The following TEC variants were observed in gnomAD, a reference collection of about 807,000 sequenced individuals.
TEC encodes the protein tec protein tyrosine kinase.
TEC carries 72 observed loss-of-function variants against 93.0 expected under a neutral mutation model. The observed-to-expected ratio is 0.77, with a 90% confidence interval of 0.64 to 0.94. TEC has a LOEUF of 0.94. TEC is among the 40% of genes least tolerant of loss of function. TEC has a pLI of 0.00. For missense variants in TEC, 630 were observed against 757.9 expected, an observed-to-expected ratio of 0.83 and a Z score of 1.98; for synonymous variants, 249 against 247.7, an observed-to-expected ratio of 1.01 and a Z score of -0.05.
intron 9 of TEC, among the ~76,000 whole-genome samples, chr4:48,153,782 G>A (rs904137922): frequency 6.6e-6 from 1 of 152,192 alleles, no homozygotes; most frequent in Non-Finnish European, 1.5e-5. Flanking sequence ...AGAAAAAAAT[G>A]AGTGACATTA....
At chr4:48,186,190 G>A (rs1244442662) in intron 2 of TEC, among the ~76,000 whole-genome samples, 1 of 152,196 alleles carries the variant, frequency 6.6e-6, no homozygotes, top group Non-Finnish European at 1.5e-5. Flanking sequence ...GTGCAGTGGC[G>A]TGATCTCGGC....
chr4:48,268,803 C>T (rs1724706428), intron 1 of TEC, among the ~76,000 whole-genome samples: 1 of 152,206 alleles, frequency 6.6e-6, no homozygotes, highest in African/African-American at 2.4e-5. Flanking sequence ...AATCTTCAAA[C>T]CCACTTAGCC....
chr4:48,256,409 C>A (rs1724345480), intron 1 of TEC, among the ~76,000 whole-genome samples: 1 of 150,910 alleles, frequency 6.6e-6, no homozygotes, highest in South Asian at 2.1e-4. Context: ...CATGACAAAA[C>A]CCTGTCTCTA....
At position 48,211,635 on chromosome 4, in the gene TEC, T is replaced by C. The variant is rs1722902140; in HGVS notation, c.138+16842A>G. On this transcript the variant is annotated intron_variant, in intron 2 of 17. Transcript: ENST00000381501. ...GAGTCTTCAACTGTGACAGTTTCTC[T>C]GCTGTTGAGATAGACAATGAACGTG... 9.2e-5 allele frequency among the ~76,000 whole-genome samples: 14 copies of C among 152,362 alleles called. No homozygotes were observed. The South Asian group carries it at 2.9e-3, about 32-fold the overall frequency.
rs999840533 is a variant in TEC at position 48,215,919 on chromosome 4, G to C, written c.138+12558C>G. On this transcript the variant is annotated intron_variant, in intron 2 of 17. Transcript: ENST00000381501. ...AACAACCAGCTCACTAGGTGACCTG[G>C]AGCAAACCATCTCCTTATCTTCAGT... 6.6e-5 allele frequency among the ~76,000 whole-genome samples: 10 copies of C among 152,158 alleles called. 1 individual carries two copies. The highest frequency in any genetic ancestry group is 6.5e-4 in the Admixed American group (10 of 15,282).
In TEC at chr4:48,245,070, G is replaced by A. The variant is rs1724017604; in HGVS notation, c.-45-16411C>T. On this transcript the variant is annotated intron_variant, in intron 1 of 17. Coordinates refer to ENST00000381501, the MANE Select transcript of TEC (RefSeq NM_003215.3). ...AGCACTTCCGGAGGCCGAGGCGGGA[G>A]TATCACGAGGTGAGGATATTCAGAC... Among the ~76,000 whole-genome samples the A allele has an allele frequency of 2.6e-5, 4 of 152,210 alleles. No individual in the cohort carries two copies. The South Asian group carries it at 8.3e-4, about 32-fold the overall frequency.
At chr4:48,139,143 G>A (rs777865470) in intron 15 of TEC, 121 bp from the exon 16 acceptor site, 24 of 823,268 alleles carry the variant, frequency 2.9e-5, no homozygotes, top group Middle Eastern at 3.6e-4. Context: ...ACAAGCATCC[G>A]GTTGAAGCTA....
intron 2 of TEC, among the ~76,000 whole-genome samples, chr4:48,217,641 C>T (rs1296384781): frequency 2.6e-5 from 4 of 152,088 alleles, no homozygotes; most frequent in East Asian, 1.9e-4. Flanking sequence ...GCATTTCTTC[C>T]GTATTATCTC....
intron 1 of TEC, among the ~76,000 whole-genome samples, chr4:48,235,943 G>A (rs188497502): frequency 1.3e-5 from 2 of 152,100 alleles, no homozygotes; most frequent in East Asian, 3.9e-4. Context: ...CAATACAATT[G>A]CAGGGCCTAC....
At chr4:48,184,860 A>G (rs1721737997) in intron 2 of TEC, among the ~76,000 whole-genome samples, 1 of 152,116 alleles carries the variant, frequency 6.6e-6, no homozygotes, top group African/African-American at 2.4e-5. Context: ...GACAAAATTT[A>G]GAACTTGCGG....
At chr4:48,186,310 G>T (rs1407097111) in intron 2 of TEC, among the ~76,000 whole-genome samples, 1 of 152,048 alleles carries the variant, frequency 6.6e-6, no homozygotes, top group East Asian at 1.9e-4. Flanking sequence ...GTCTCTGCCT[G>T]GCCACCCATC....
intron 9 of TEC, among the ~76,000 whole-genome samples, chr4:48,151,811 A>G (rs2109518350): frequency 6.6e-6 from 1 of 152,328 alleles, no homozygotes; most frequent in South Asian, 2.1e-4. Flanking sequence ...ACAAAAGGAG[A>G]GATGGAGGCA....
chr4:48,221,441 C>T (rs1723257973), intron 2 of TEC, among the ~76,000 whole-genome samples: 1 of 152,190 alleles, frequency 6.6e-6, no homozygotes, highest in African/African-American at 2.4e-5. Context: ...TATGTGTTTG[C>T]TTCCCCTTCC....
At chr4:48,141,749 C>G in intron 14 of TEC, 1 of 214,708 alleles carries the variant, frequency 4.7e-6, no homozygotes, top group South Asian at 6.0e-5. Flanking sequence ...GTGGCACAAT[C>G]TTGGCTCACT....
intron 12 of TEC, 35 bp downstream of exon 12, chr4:48,146,290 A>G: frequency 6.3e-7 from 1 of 1,595,020 alleles, no homozygotes; most frequent in Non-Finnish European, 8.6e-7. Flanking sequence ...CTTTTCAAGG[A>G]AAATTAGCTC....
chr4:48,235,831 T>C (rs1283365930), intron 1 of TEC, among the ~76,000 whole-genome samples: 2 of 152,226 alleles, frequency 1.3e-5, no homozygotes, highest in African/African-American at 2.4e-5. Flanking sequence ...TTTCAATGTA[T>C]TGAATCACTT....
intron 2 of TEC, among the ~76,000 whole-genome samples, chr4:48,192,412 C>T (rs1313781738): frequency 6.6e-6 from 1 of 152,110 alleles, no homozygotes; most frequent in Non-Finnish European, 1.5e-5. Context: ...TGGGCATACT[C>T]AGTGTTTCAG....
At chr4:48,148,051 A>G (rs1199993834) in intron 11 of TEC, among the ~76,000 whole-genome samples, 1 of 152,206 alleles carries the variant, frequency 6.6e-6, no homozygotes, top group Non-Finnish European at 1.5e-5. Context: ...TAAGAGAGAC[A>G]GAAAGTAGGT....
chr4:48,219,845 T>C (rs927786515), intron 2 of TEC, among the ~76,000 whole-genome samples: 8 of 152,114 alleles, frequency 5.3e-5, no homozygotes, highest in African/African-American at 1.9e-4. Flanking sequence ...GCCCAGCTGC[T>C]TTTTCTTTAT....
Sources: allele counts gnomAD v4.1 joint callset (sites outside exome capture counted in the v4.1 genomes callset), GRCh38; gene constraint gnomAD v4.1.1; transcripts MANE v1.5; gene names NCBI Gene and HGNC (gene_info 2026-07-23, HGNC 2026-07-21).